The following NAA40 variants were observed in gnomAD, a reference collection of about 807,000 sequenced individuals.
NAA40 encodes the protein N-alpha-acetyltransferase 40, NatD catalytic subunit, also known as N-alpha-acetyltransferase 40.
In NAA40, 26 loss-of-function variants were observed where a neutral mutation model predicts 36.6. That is an observed-to-expected ratio of 0.71 (90% CI 0.52 to 0.98). NAA40 has a LOEUF of 0.98. NAA40 is among the 50% of genes least tolerant of loss of function. The probability of loss-of-function intolerance (pLI) is 0.00; values close to 1 mark genes in which losing one functional copy is unlikely to be tolerated. For missense variants in NAA40, 237 were observed against 306.5 expected (o/e 0.77, Z 1.69); for synonymous variants, 129 against 108.4 (o/e 1.19, Z -1.18).
At chr11:63,947,887 A>C (rs560761647) in intron 3 of NAA40, among the ~76,000 whole-genome samples, 1 of 152,174 alleles carries the variant, frequency 6.6e-6, no homozygotes, top group Admixed American at 6.5e-5. Flanking sequence ...ACGTCCAGCT[A>C]ATTTTTGTAT....
chr11:63,947,777 A>G (rs1191428197), intron 3 of NAA40, among the ~76,000 whole-genome samples: 1 of 133,342 alleles, frequency 7.5e-6, no homozygotes, highest in Non-Finnish European at 1.5e-5. Context: ...TTCAGGCTGG[A>G]GTGCAGTGGT....
intron 1 of NAA40, among the ~76,000 whole-genome samples, chr11:63,944,291 G>C (rs932666395): frequency 6.6e-6 from 1 of 152,126 alleles, no homozygotes; most frequent in Non-Finnish European, 1.5e-5. Flanking sequence ...AGATGTAATT[G>C]GGAGTTGTCA....
intron 3 of NAA40, among the ~76,000 whole-genome samples, chr11:63,947,234 C>G (rs1250066541): frequency 6.6e-6 from 1 of 152,080 alleles, no homozygotes; most frequent in Non-Finnish European, 1.5e-5. Context: ...TAGTGAAACC[C>G]CATTTCTACT....
chr11:63,948,176 T>A lies in NAA40; in HGVS notation c.155+1173T>A, dbSNP rs184472565. On this transcript the variant is annotated intron_variant, in intron 3 of 7. Transcript: ENST00000377793. ...GGCCTGATGTCTCTTCAGGACTGATTATTCTCTCTGCAAAGAATCATTGAG... is the reference window on the plus strand; with the variant it reads ...GGCCTGATGTCTCTTCAGGACTGATAATTCTCTCTGCAAAGAATCATTGAG... Among the ~76,000 whole-genome samples the A allele has an allele frequency of 2.0e-5, 3 of 152,308 alleles. No individual in the cohort carries two copies. In the East Asian group the frequency reaches 5.8e-4, roughly 29 times the overall value.
intron 5 of NAA40, 87 bp from the exon 6 acceptor site, chr11:63,952,669 T>C: frequency 6.3e-7 from 1 of 1,598,850 alleles, no homozygotes; most frequent in African/African-American, 1.3e-5. Context: ...GTCTATGAGC[T>C]GCCAAGGACT....
Position 63,954,731 on chromosome 11 carries a change from C to G in NAA40, c.*252C>G. ...GGGGCCGGGCAGTGAAGCTCATCCTCCACAGTGGCTGCCTCCTCATTTGGC... is the reference window on the plus strand; with the variant it reads ...GGGGCCGGGCAGTGAAGCTCATCCTGCACAGTGGCTGCCTCCTCATTTGGC... On this transcript the variant is annotated 3_prime_UTR_variant, in exon 8 of 8. Transcript: ENST00000377793. The G allele has an allele frequency of 2.8e-6, 1 of 352,424 alleles. No individual in the cohort carries two copies. Among genetic ancestry groups the G allele is most frequent in the Non-Finnish European group, 5.0e-6 (1 of 198,160 alleles). The allele number at this position is 352,424 out of a possible 1,614,324, so 21.8% of individuals were successfully genotyped here. A position where few individuals can be genotyped will look rare whatever the true frequency, so the allele number is the denominator to read the frequency against.
intron 2 of NAA40, 43 bp from the exon 3 acceptor site, chr11:63,946,908 G>A (rs367619278): frequency 6.6e-5 from 107 of 1,611,504 alleles, no homozygotes; most frequent in South Asian, 8.8e-5. Flanking sequence ...CTGCACCTCC[G>A]CCCCACTTGT....
rs1430947696 is a variant in NAA40, at chr11:63,956,654, C to T, written c.*2175C>T. The T allele has an allele frequency of 6.5e-6, 1 of 152,684 alleles. No homozygotes were observed. The highest frequency in any genetic ancestry group is 1.5e-5 in the Non-Finnish European group (1 of 68,084). 9.5% of individuals were successfully genotyped at this position (152,684 alleles called of 1,614,324 possible). On this transcript the variant is annotated 3_prime_UTR_variant, in exon 8 of 8. Transcript: ENST00000377793. Reference sequence around the variant, plus strand: ...CATTTCCAAAACATCCATCTTTCTCCACTTCCCCCAGGTCTTGGTTTTGAG... The same window carrying T: ...CATTTCCAAAACATCCATCTTTCTCTACTTCCCCCAGGTCTTGGTTTTGAG...
At chr11:63,945,488 T>G (rs1393915680) in intron 1 of NAA40, among the ~76,000 whole-genome samples, 1 of 152,188 alleles carries the variant, frequency 6.6e-6, no homozygotes, top group Non-Finnish European at 1.5e-5. Flanking sequence ...TAAAGTTGGG[T>G]GTTCCCTCCT....
In NAA40 at chr11:63,954,817, C is replaced by T. The variant is rs543493132; in HGVS notation, c.*338C>T. ...CAGCCCCTAGATTCCTGGCAACCTC[C>T]CCTCCCCTGACACATACACACTTGG... On this transcript the variant is annotated 3_prime_UTR_variant, in exon 8 of 8. Coordinates refer to ENST00000377793, the MANE Select transcript of NAA40 (RefSeq NM_024771.4). The T allele has an allele frequency of 3.2e-4, 66 of 207,692 alleles. No individual in the cohort carries two copies. The highest frequency in any genetic ancestry group is 5.1e-4 in the Non-Finnish European group (54 of 105,006). 12.9% of individuals were successfully genotyped at this position (207,692 alleles called of 1,614,324 possible).
chr11:63,940,113 C>T (rs998666104), intron 1 of NAA40, among the ~76,000 whole-genome samples: 2 of 141,210 alleles, frequency 1.4e-5, no homozygotes, highest in Non-Finnish European at 3.0e-5. Context: ...TGCAATGGCG[C>T]GATCTCGGCT....
Position 63,945,896 on chromosome 11 carries a change from C to G in NAA40, c.63C>G (p.Ala21=). The change falls in exon 2 of 8, where the codon GCC becomes GCG. Residue 21 remains alanine (A), a synonymous_variant. Transcript: ENST00000377793. ...AGAAGCGGTTGGAGGAGCGAGCAGC[C>G]ATGGATGCCGTTTGTGCCAAAGTGG... ...KKQKRLEERA[A]MDAVCAKVDA... 1 of 1,614,166 alleles carries G rather than the reference C, an allele frequency of 6.2e-7. No homozygotes were observed. Among genetic ancestry groups the G allele is most frequent in the Non-Finnish European group, 8.5e-7 (1 of 1,180,020 alleles).
chr11:63,952,595 G>A (rs758460175), intron 5 of NAA40, 30 bp downstream of exon 5: 1 of 1,610,806 alleles, frequency 6.2e-7, no homozygotes, highest in Non-Finnish European at 8.5e-7. Context: ...GGAGGTAGGG[G>A]AGAGAGACCC....
intron 6 of NAA40, 81 bp downstream of exon 6, chr11:63,952,920 C>G: frequency 7.8e-7 from 1 of 1,276,972 alleles, no homozygotes; most frequent in South Asian, 1.2e-5. Flanking sequence ...TTCTTTGAGC[C>G]TTGTTGGAGG....
rs1407906947 is a variant in NAA40, at chr11:63,956,869, AG to A, written c.*2392del. On this transcript the variant is annotated 3_prime_UTR_variant, in exon 8 of 8. Coordinates refer to ENST00000377793, the MANE Select transcript of NAA40 (RefSeq NM_024771.4). ...TGGCCTGTAATCCCAGCTACTCGGG[AG>A]GCTGAGGCAGGAGACTCGCTTGAAC... is the stretch of plus-strand genomic sequence containing the variant. The A allele has an allele frequency of 2.0e-5, 3 of 151,794 alleles. No individual in the cohort carries two copies. The highest frequency in any genetic ancestry group is 4.4e-5 in the Non-Finnish European group (3 of 67,996). 9.4% of individuals were successfully genotyped at this position (151,794 alleles called of 1,614,324 possible). A position where few individuals can be genotyped will look rare whatever the true frequency, so the allele number is the denominator to read the frequency against.
chr11:63,951,359 T>G (rs910429642), intron 3 of NAA40, among the ~76,000 whole-genome samples: 19 of 152,300 alleles, frequency 1.2e-4, no homozygotes, highest in Non-Finnish European at 2.5e-4. Flanking sequence ...TTTGTTTGTT[T>G]GGAGACAGAG....
intron 1 of NAA40, among the ~76,000 whole-genome samples, chr11:63,945,330 G>C (rs1590752161): frequency 6.6e-6 from 1 of 152,176 alleles, no homozygotes; most frequent in East Asian, 1.9e-4. Context: ...CACTTGAAAT[G>C]AGACCCGGCT....
In NAA40 at chr11:63,957,212, A is replaced by ATATATATATATTTTTT. The variant is rs1278673521; in HGVS notation, c.*2734_*2735insATATATATATTTTTTT. The ATATATATATATTTTTT allele has an allele frequency of 2.6e-4, 17 of 64,312 alleles. No homozygotes were observed. Among genetic ancestry groups the ATATATATATATTTTTT allele is most frequent in the African/African-American group, 6.7e-4 (16 of 23,974 alleles). 4.0% of individuals were successfully genotyped at this position (64,312 alleles called of 1,614,324 possible). A position where few individuals can be genotyped will look rare whatever the true frequency, so the allele number is the denominator to read the frequency against. On this transcript the variant is annotated 3_prime_UTR_variant, in exon 8 of 8. Transcript: ENST00000377793. Reference sequence around the variant, plus strand: ...CCTTGATATATATATATATATATATATTTTTTTTTTTCTTTAGCAGCTTGT... The same window carrying ATATATATATATTTTTT: ...CCTTGATATATATATATATATATATATATATATATATTTTTTTTTTTTTTTTTCTTTAGCAGCTTGT...
At chr11:63,949,378 T>C (rs1439711322) in intron 3 of NAA40, among the ~76,000 whole-genome samples, 2 of 152,138 alleles carry the variant, frequency 1.3e-5, no homozygotes, top group Non-Finnish European at 2.9e-5. Flanking sequence ...GTGGTGGGGT[T>C]GGGCATCTAG....
Sources: gnomAD v4.1 joint callset for allele counts (sites outside exome capture counted in the v4.1 genomes callset) on GRCh38, gnomAD v4.1.1 for gene constraint, MANE v1.5 for transcripts, NCBI Gene and HGNC (gene_info 2026-07-23, HGNC 2026-07-21) for gene names.